The following DTNB variants were observed in gnomAD, a reference collection of about 807,000 sequenced individuals.
DTNB encodes the protein DTN-B.
Under a neutral mutation model 90.7 loss-of-function variants are expected in DTNB, and 63 were observed. The ratio of observed to expected loss-of-function variants is 0.69; its 90% CI spans 0.57 to 0.86. The LOEUF is 0.86. Ranked by LOEUF, DTNB falls within the 40% of genes least tolerant of loss-of-function variation. The pLI, the probability that DTNB is intolerant of heterozygous loss-of-function variation, is 0.00. For missense variants in DTNB, 744 were observed against 807.1 expected (o/e 0.92, Z 0.95); for synonymous variants, 277 against 286.7 (o/e 0.97, Z 0.34).
chr2:25,604,262 T>C (rs765101645), intron 5 of DTNB, among the ~76,000 whole-genome samples: 1 of 149,836 alleles, frequency 6.7e-6, no homozygotes, highest in Non-Finnish European at 1.5e-5. Flanking sequence ...ATAGGAGGAG[T>C]AGACAAACCA....
At chr2:25,476,161 C>T (rs61417706) in intron 10 of DTNB, among the ~76,000 whole-genome samples, 2,390 of 151,558 alleles carry the variant, frequency 0.016, 63 homozygotes, top group African/African-American at 0.053. Context: ...CTCCACCTCC[C>T]GGGTTCAAGT....
intron 16 of DTNB, among the ~76,000 whole-genome samples, chr2:25,412,261 C>T (rs2046799245): frequency 6.6e-6 from 1 of 151,284 alleles, no homozygotes; most frequent in Admixed American, 6.6e-5. Flanking sequence ...CCAAACCATG[C>T]TCTCTTTGGT....
chr2:25,463,312 T>A (rs2061295644), intron 10 of DTNB, among the ~76,000 whole-genome samples: 1 of 152,120 alleles, frequency 6.6e-6, no homozygotes, highest in African/African-American at 2.4e-5. Context: ...ACACATCCAA[T>A]CCACTGCAAG....
intron 8 of DTNB, among the ~76,000 whole-genome samples, chr2:25,575,180 C>T (rs2148116574): frequency 6.6e-6 from 1 of 150,764 alleles, no homozygotes; most frequent in South Asian, 2.1e-4. Flanking sequence ...ACTCAGTCAT[C>T]ATGAAAGGTA....
chr2:25,565,780 G>GTA (rs1410978754), intron 8 of DTNB, among the ~76,000 whole-genome samples: 1 of 152,046 alleles, frequency 6.6e-6, no homozygotes, highest in Non-Finnish European at 1.5e-5. Context: ...TGCTCATGTT[G>GTA]TATAGTCCTT....
intron 6 of DTNB, among the ~76,000 whole-genome samples, chr2:25,589,014 T>C (rs1050385529): frequency 1.3e-5 from 2 of 152,220 alleles, no homozygotes; most frequent in African/African-American, 2.4e-5. Flanking sequence ...CCAAACTCTA[T>C]TCAATGTCCA....
intron 12 of DTNB, among the ~76,000 whole-genome samples, chr2:25,444,548 A>G (rs991919836): frequency 6.6e-6 from 1 of 151,878 alleles, no homozygotes; most frequent in African/African-American, 2.4e-5. Flanking sequence ...AAAAAAAAAA[A>G]AAAGAAATGT....
intron 5 of DTNB, among the ~76,000 whole-genome samples, chr2:25,606,959 GA>G (rs2067241817): frequency 6.6e-6 from 1 of 152,156 alleles, no homozygotes; most frequent in African/African-American, 2.4e-5. Flanking sequence ...TAATAATGTG[GA>G]AAACATTTCT....
At chr2:25,390,120 T>C (rs1419640555) in intron 16 of DTNB, among the ~76,000 whole-genome samples, 1 of 152,244 alleles carries the variant, frequency 6.6e-6, no homozygotes, top group Admixed American at 6.5e-5. Context: ...TATGTGCATG[T>C]ATAGCTATGA....
In DTNB at chr2:25,552,493, G is replaced by A. The variant is rs528583261; in HGVS notation, c.877-20896C>T. On this transcript the variant is annotated intron_variant, in intron 8 of 20. Transcript: ENST00000406818. ...AGCATTGCCCTGTCACTGGCCCTGG[G>A]CCCCTCACAGCTCCCCGCAGCAACT... 6.9e-4 allele frequency among the ~76,000 whole-genome samples: 105 copies of A among 152,230 alleles called. 2 individuals are homozygous for A. The South Asian group carries it at 0.01, about 15-fold the overall frequency.
intron 8 of DTNB, among the ~76,000 whole-genome samples, chr2:25,566,239 T>C (rs151127176): frequency 5.3e-5 from 8 of 152,222 alleles, no homozygotes; most frequent in Non-Finnish European, 1.2e-4. Context: ...CTGAGACTCA[T>C]CCTCAGCTGG....
At chr2:25,561,987 ATAAC>A (rs1467168758) in intron 8 of DTNB, among the ~76,000 whole-genome samples, 10 of 152,242 alleles carry the variant, frequency 6.6e-5, no homozygotes, top group Admixed American at 6.5e-5. Context: ...TTGTACAACC[ATAAC>A]TAATATCTAA....
intron 11 of DTNB, among the ~76,000 whole-genome samples, chr2:25,452,940 G>C (rs2150136916): frequency 6.6e-6 from 1 of 151,926 alleles, no homozygotes; most frequent in South Asian, 2.1e-4. Flanking sequence ...ACTACTATTA[G>C]GCGGCTTTAA....
At chr2:25,404,414 T>G (rs2044519123) in intron 16 of DTNB, among the ~76,000 whole-genome samples, 2 of 151,812 alleles carry the variant, frequency 1.3e-5, no homozygotes, top group African/African-American at 4.8e-5. Flanking sequence ...ACTGAGGCAC[T>G]GGGCTGGAGA....
chr2:25,574,979 A>C (rs1052668533), intron 8 of DTNB, among the ~76,000 whole-genome samples: 1 of 152,308 alleles, frequency 6.6e-6, no homozygotes, highest in South Asian at 2.1e-4. Context: ...AAAAAATTCA[A>C]GAGTAGATGA....
chr2:25,553,764 G>C (rs546668721), intron 8 of DTNB, among the ~76,000 whole-genome samples: 9 of 143,522 alleles, frequency 6.3e-5, no homozygotes, highest in Non-Finnish European at 1.4e-4. Flanking sequence ...AAAAAAAAAG[G>C]CTAGGTAGAA....
chr2:25,381,541 G>A (rs1573602675), intron 19 of DTNB, among the ~76,000 whole-genome samples: 1 of 152,046 alleles, frequency 6.6e-6, no homozygotes, highest in South Asian at 2.1e-4. Context: ...TACCACATCC[G>A]GCTAATTTAT....
At chr2:25,483,877 A>G (rs956340025) in intron 9 of DTNB, among the ~76,000 whole-genome samples, 7 of 152,254 alleles carry the variant, frequency 4.6e-5, no homozygotes, top group African/African-American at 1.7e-4. Context: ...GACAAACCAC[A>G]TACATTATAA....
chr2:25,421,342 C>G (rs532043396), intron 15 of DTNB: 27 of 152,170 alleles, frequency 1.8e-4, no homozygotes, highest in African/African-American at 6.3e-4. Context: ...GGAAGGTGCT[C>G]TTCACAATCA....
Sources: allele counts gnomAD v4.1 joint callset (sites outside exome capture counted in the v4.1 genomes callset), GRCh38; gene constraint gnomAD v4.1.1; transcripts MANE v1.5; gene names NCBI Gene and HGNC (gene_info 2026-07-23, HGNC 2026-07-21).